The following ADGRL2 variants were observed in gnomAD, a reference collection of about 807,000 sequenced individuals.
The protein encoded by ADGRL2 is calcium-independent alpha-latrotoxin receptor 2.
ADGRL2 carries 44 observed loss-of-function variants against 157.4 expected under a neutral mutation model. The ratio of observed to expected loss-of-function variants is 0.28; its 90% CI spans 0.22 to 0.36. The LOEUF is 0.36. ADGRL2 is among the 10% of genes least tolerant of loss of function. ADGRL2 has a pLI of 1.00. For missense variants in ADGRL2, 1,510 were observed against 1,768.9 expected, an observed-to-expected ratio of 0.85 and a Z score of 2.63; for synonymous variants, 585 against 624.7, an observed-to-expected ratio of 0.94 and a Z score of 0.95.
intron 1 of ADGRL2, among the ~76,000 whole-genome samples, chr1:81,727,859 AG>A (rs1229022545): frequency 6.6e-6 from 1 of 152,046 alleles, no homozygotes; most frequent in African/African-American, 2.4e-5. Flanking sequence ...TTAGGTAAAA[AG>A]GTTATGGACT....
chr1:81,663,609 G>A (rs2082700029), intron 3 of ADGRL2, among the ~76,000 whole-genome samples: 2 of 152,148 alleles, frequency 1.3e-5, no homozygotes, highest in South Asian at 4.1e-4. Context: ...GTAAGTGTGT[G>A]CTGGTCCAGT....
At chr1:81,572,095 A>T (rs2080706728) in intron 2 of ADGRL2, among the ~76,000 whole-genome samples, 1 of 152,270 alleles carries the variant, frequency 6.6e-6, no homozygotes, top group African/African-American at 2.4e-5. Context: ...CTTCAAATAG[A>T]CTGGCTAACA....
chr1:81,485,985 A>C (rs1465378032), intron 2 of ADGRL2, among the ~76,000 whole-genome samples: 1 of 152,148 alleles, frequency 6.6e-6, no homozygotes, highest in Non-Finnish European at 1.5e-5. Context: ...TGCACTTACA[A>C]CTTCAAAAGT....
At chr1:81,595,511 C>G (rs1479558867) in intron 3 of ADGRL2, among the ~76,000 whole-genome samples, 2 of 152,076 alleles carry the variant, frequency 1.3e-5, no homozygotes, top group Non-Finnish European at 2.9e-5. Flanking sequence ...TAACAATTAC[C>G]AAAGATCGTT....
intron 2 of ADGRL2, among the ~76,000 whole-genome samples, chr1:81,539,681 C>T (rs763845680): frequency 2.0e-5 from 3 of 152,110 alleles, no homozygotes; most frequent in Non-Finnish European, 2.9e-5. Context: ...AGACTGACAA[C>T]GTAAGGACTC....
At chr1:81,428,457 C>T (rs2077259581) in intron 1 of ADGRL2, among the ~76,000 whole-genome samples, 2 of 152,132 alleles carry the variant, frequency 1.3e-5, no homozygotes, top group African/African-American at 4.8e-5. Flanking sequence ...ATAAGACAAA[C>T]TGACAGATTA....
At chr1:81,370,940 A>G (rs928930543) in intron 1 of ADGRL2, among the ~76,000 whole-genome samples, 3 of 152,188 alleles carry the variant, frequency 2.0e-5, no homozygotes, top group Admixed American at 6.6e-5. Context: ...AGTTTTCAAT[A>G]TCGTGTGTGA....
At chr1:81,616,183 A>C (rs2081642785) in intron 3 of ADGRL2, among the ~76,000 whole-genome samples, 1 of 152,096 alleles carries the variant, frequency 6.6e-6, no homozygotes, top group East Asian at 1.9e-4. Context: ...CACAATGTGC[A>C]AAAAAGCCAT....
At chr1:81,972,114 A>T (rs980951487) in intron 17 of ADGRL2, among the ~76,000 whole-genome samples, 196 bp downstream of exon 17, 1 of 152,086 alleles carries the variant, frequency 6.6e-6, no homozygotes, top group African/African-American at 2.4e-5. Context: ...CTTTACTCTA[A>T]AAAGTACTTT....
chr1:81,412,378 C>T (rs1470648862), intron 1 of ADGRL2, among the ~76,000 whole-genome samples: 2 of 152,240 alleles, frequency 1.3e-5, no homozygotes, highest in Non-Finnish European at 2.9e-5. Context: ...TAAGGACACA[C>T]TGCATATACC....
upstream of ADGRL2, among the ~76,000 whole-genome samples, chr1:81,800,786 A>C (rs2087929331): frequency 7.5e-6 from 1 of 133,596 alleles, no homozygotes; most frequent in Non-Finnish European, 1.6e-5. Context: ...GGGGTGGGCT[A>C]GGGGTTAGCG....
At chr1:81,791,223 A>C (rs1160934421) in intron 2 of ADGRL2, among the ~76,000 whole-genome samples, 3 of 152,198 alleles carry the variant, frequency 2.0e-5, no homozygotes, top group Non-Finnish European at 2.9e-5. Flanking sequence ...AACTTTTAAA[A>C]GACCATTATC....
intron 2 of ADGRL2, among the ~76,000 whole-genome samples, chr1:81,543,235 T>C (rs2079931469): frequency 6.6e-6 from 1 of 151,850 alleles, no homozygotes; most frequent in African/African-American, 2.4e-5. Context: ...AATGGGGCCT[T>C]TGCTAGGTGA....
chr1:81,950,050 T>C, intron 6 of ADGRL2, 139 bp from the exon 7 acceptor site: 1 of 699,172 alleles, frequency 1.4e-6, no homozygotes, highest in Non-Finnish European at 2.5e-6. Flanking sequence ...TTGTCAGTAA[T>C]TCTCATTTCC....
At chr1:81,458,427 G>C (rs1012210496) in intron 2 of ADGRL2, among the ~76,000 whole-genome samples, 1 of 152,186 alleles carries the variant, frequency 6.6e-6, no homozygotes, top group Non-Finnish European at 1.5e-5. Context: ...CGCCCGGCAC[G>C]TTCTTTTCTG....
chr1:81,560,214 C>A (rs1000800075), intron 2 of ADGRL2, among the ~76,000 whole-genome samples: 12 of 152,070 alleles, frequency 7.9e-5, no homozygotes, highest in Admixed American at 3.3e-4. Flanking sequence ...AGGATTATGA[C>A]AATAAAAGAC....
intron 1 of ADGRL2, among the ~76,000 whole-genome samples, chr1:81,423,894 TGAAA>T (rs1038155137): frequency 6.6e-6 from 1 of 152,158 alleles, no homozygotes; most frequent in Non-Finnish European, 1.5e-5. Context: ...TACAAAAAAA[TGAAA>T]GAACTGACCA....
At chr1:81,807,505 A>G (rs1277463866) in intron 1 of ADGRL2, among the ~76,000 whole-genome samples, 1 of 151,898 alleles carries the variant, frequency 6.6e-6, no homozygotes, top group South Asian at 2.1e-4. Context: ...GCTGCCTAAG[A>G]TGCTCTCAAA....
At chr1:81,876,572 G>C (rs1241820772) in intron 2 of ADGRL2, among the ~76,000 whole-genome samples, 1 of 138,338 alleles carries the variant, frequency 7.2e-6, no homozygotes, top group South Asian at 2.4e-4. Context: ...AACAAGTAGA[G>C]TTACCTGGCT....
Sources: gnomAD v4.1 joint callset for allele counts (sites outside exome capture counted in the v4.1 genomes callset) on GRCh38, gnomAD v4.1.1 for gene constraint, MANE v1.5 for transcripts, NCBI Gene and HGNC (gene_info 2026-07-23, HGNC 2026-07-21) for gene names.